Variants in TRIP12 observed in about 807,000 individuals in gnomAD.
TRIP12 encodes the protein E3 ubiquitin-protein ligase TRIP12.
Under a neutral mutation model 244.2 loss-of-function variants are expected in TRIP12, and 25 were observed. The ratio of observed to expected loss-of-function variants is 0.10; its 90% CI spans 0.07 to 0.14. The LOEUF (loss-of-function observed/expected upper bound fraction) is 0.14. Ranked by LOEUF, TRIP12 falls within the 10% of genes least tolerant of loss-of-function variation. The probability of loss-of-function intolerance (pLI) is 1.00; values close to 1 mark genes in which losing one functional copy is unlikely to be tolerated. For missense variants in TRIP12, 1,677 were observed against 2,486.4 expected (o/e 0.67, Z 6.92); for synonymous variants, 905 against 873.1 (o/e 1.04, Z -0.64).
chr2:229,878,818 G>A (rs997497412), intron 2 of TRIP12, among the ~76,000 whole-genome samples: 6 of 151,932 alleles, frequency 3.9e-5, no homozygotes, highest in South Asian at 2.1e-4. Flanking sequence ...TCCTGACCTC[G>A]TGATCCGCCC....
chr2:229,783,219 A>G (rs1205552556), intron 34 of TRIP12, among the ~76,000 whole-genome samples: 1 of 152,372 alleles, frequency 6.6e-6, no homozygotes, highest in East Asian at 1.9e-4. Context: ...TGAAAATCAC[A>G]TGAACTTTAC....
At chr2:229,774,956 AT>A (rs1277900054) in intron 37 of TRIP12, among the ~76,000 whole-genome samples, 1 of 152,164 alleles carries the variant, frequency 6.6e-6, no homozygotes, top group African/African-American at 2.4e-5. Context: ...GCCCATGTAA[AT>A]TTTTTTAAAC....
At chr2:229,840,287 A>G (rs528859320) in intron 5 of TRIP12, among the ~76,000 whole-genome samples, 1 of 152,382 alleles carries the variant, frequency 6.6e-6, no homozygotes, top group East Asian at 1.9e-4. Flanking sequence ...AAGTATCGTC[A>G]AGAAATAGAA....
intron 5 of TRIP12, among the ~76,000 whole-genome samples, chr2:229,839,355 A>AT (rs1461253639): frequency 6.6e-6 from 1 of 152,164 alleles, no homozygotes; most frequent in South Asian, 2.1e-4. Flanking sequence ...CTAATGACAC[A>AT]TATCTCAGAA....
chr2:229,918,909 C>T (rs2075987185), intron 1 of TRIP12, among the ~76,000 whole-genome samples: 1 of 152,006 alleles, frequency 6.6e-6, no homozygotes, highest in Non-Finnish European at 1.5e-5. Flanking sequence ...CACAACCACC[C>T]AGTGAGGTAA....
At chr2:229,772,754 G>A (rs978340468) in intron 38 of TRIP12, among the ~76,000 whole-genome samples, 14 of 151,956 alleles carry the variant, frequency 9.2e-5, no homozygotes, top group African/African-American at 2.7e-4. Context: ...GAGCCACCAC[G>A]CCTAGCCAGT....
chr2:229,895,135 T>C (rs941327308), intron 1 of TRIP12, among the ~76,000 whole-genome samples: 2 of 151,926 alleles, frequency 1.3e-5, no homozygotes, highest in East Asian at 1.9e-4. Flanking sequence ...AGGACAAACA[T>C]GAGAAAGATA....
At chr2:229,888,172 A>T (rs1007428048) in intron 1 of TRIP12, among the ~76,000 whole-genome samples, 3 of 152,222 alleles carry the variant, frequency 2.0e-5, no homozygotes, top group African/African-American at 7.2e-5. Context: ...TTATCAAATG[A>T]TACACATGAG....
chr2:229,795,230 T>C lies in TRIP12; in HGVS notation c.3917A>G (p.Gln1306Arg). 6.2e-7 allele frequency: 1 copy of C among 1,614,078 alleles called. No individual in the cohort carries two copies. Among genetic ancestry groups the C allele is most frequent in the Non-Finnish European group, 8.5e-7 (1 of 1,179,962 alleles). ...GAAATCATGTACTTTGACTGGAAAT[T>C]GTTCCATCTGGCTGAGGCAGTTGTT... ...KMNNCLSQMEQFPVKVHDFPS... is the reference protein window; with the variant it reads ...KMNNCLSQMERFPVKVHDFPS... The change falls in exon 26 of 42, where the codon CAA becomes CGA. Residue 1306 changes from glutamine (Q) to arginine (R), a missense_variant. Gln to Arg is a conservative substitution (Grantham distance 43). This residue lies in a region of TRIP12 where 265 missense variants were observed against 370.8 expected (regional missense o/e 0.71). Coordinates refer to ENST00000675903, the MANE Select transcript of TRIP12 (RefSeq NM_001348323.3).
At chr2:229,831,085 T>A in intron 6 of TRIP12, 1 of 704,638 alleles carries the variant, frequency 1.4e-6, no homozygotes, top group East Asian at 2.7e-5. Context: ...TATATGTGGC[T>A]TTTGACAAAT....
rs1310209065 is a variant in TRIP12 at position 229,865,390 on chromosome 2, A to G, written c.99-4859T>C. Among the ~76,000 whole-genome samples, 3 of 151,222 alleles carry G rather than the reference A, an allele frequency of 2.0e-5. No homozygotes were observed. In the East Asian group the frequency reaches 5.8e-4, roughly 29 times the overall value. ...TGTCTCAATGTTAGGAAAAATGAGG[A>G]AAGTGGCTAGTTACAAGTAGCTAGT... On this transcript the variant is annotated intron_variant, in intron 2 of 41. Coordinates refer to ENST00000675903, the MANE Select transcript of TRIP12 (RefSeq NM_001348323.3).
At position 229,767,322 on chromosome 2, in the gene TRIP12, A is replaced by C. The variant is rs758576899; in HGVS notation, c.*232T>G. The C allele has an allele frequency of 3.7e-5, 15 of 400,770 alleles. No homozygotes were observed. Among genetic ancestry groups the C allele is most frequent in the Non-Finnish European group, 6.1e-5 (14 of 229,790 alleles). 24.8% of individuals were successfully genotyped at this position (400,770 alleles called of 1,614,324 possible). On this transcript the variant is annotated 3_prime_UTR_variant, in exon 42 of 42. Transcript: ENST00000675903. ...CACTCATCAAATAAATGATAATTTA[A>C]ACAAGAACTTGCTAAAGAAACCTCA...
At chr2:229,912,363 C>T (rs1484670848) in intron 1 of TRIP12, among the ~76,000 whole-genome samples, 1 of 152,186 alleles carries the variant, frequency 6.6e-6, no homozygotes, top group Non-Finnish European at 1.5e-5. Flanking sequence ...ACCTTTTTCA[C>T]ATCACCTATT....
intron 4 of TRIP12, among the ~76,000 whole-genome samples, chr2:229,855,088 A>G (rs1031050497): frequency 5.9e-5 from 9 of 152,090 alleles, no homozygotes; most frequent in African/African-American, 2.2e-4. Flanking sequence ...ACATGGTGAA[A>G]CCCCATCTCT....
chr2:229,854,804 T>C lies in TRIP12; in HGVS notation c.1027+3968A>G, dbSNP rs547403161. On this transcript the variant is annotated intron_variant, in intron 4 of 41. Transcript: ENST00000675903. ...TTCAAGAAACCTACCCAGACTGAGC[T>C]TGCCCTATCTGTTCACCCCTATCAT... 3.3e-5 allele frequency among the ~76,000 whole-genome samples: 5 copies of C among 152,350 alleles called. No individual in the cohort carries two copies. In the East Asian group the frequency reaches 9.6e-4, roughly 29 times the overall value.
chr2:229,826,009 A>G (rs1433307390), intron 8 of TRIP12, among the ~76,000 whole-genome samples: 3 of 152,220 alleles, frequency 2.0e-5, no homozygotes, highest in African/African-American at 7.2e-5. Flanking sequence ...AAACAAAAAT[A>G]TAACAATGGC....
At chr2:229,906,955 A>G (rs1293554529) in intron 1 of TRIP12, among the ~76,000 whole-genome samples, 1 of 152,218 alleles carries the variant, frequency 6.6e-6, no homozygotes, top group Non-Finnish European at 1.5e-5. Flanking sequence ...TATAATTAGC[A>G]GTGATAAAAC....
At chr2:229,814,993 G>T in intron 11 of TRIP12, 106 bp downstream of exon 11, 2 of 821,884 alleles carry the variant, frequency 2.4e-6, no homozygotes, top group Non-Finnish European at 3.8e-6. Context: ...AACATTTCTC[G>T]GGCTAAAAAA....
At chr2:229,789,549 T>C (rs1318232682) in intron 31 of TRIP12, 62 bp downstream of exon 31, 15 of 1,560,498 alleles carry the variant, frequency 9.6e-6, no homozygotes, top group African/African-American at 1.4e-5. Context: ...CCATTTCTAG[T>C]GCAATAGGAA....
Sources: allele counts gnomAD v4.1 joint callset (sites outside exome capture counted in the v4.1 genomes callset), GRCh38; gene constraint gnomAD v4.1.1; regional missense constraint gnomAD v4.1.1; transcripts MANE v1.5; gene names NCBI Gene and HGNC (gene_info 2026-07-23, HGNC 2026-07-21).